ERI3: variants seen among roughly 807,000 people sequenced by gnomAD.
ERI3 encodes ERI1 exoribonuclease family member 3.
A neutral mutation model predicts 44.4 loss-of-function variants in ERI3; 18 were observed. The ratio of observed to expected loss-of-function variants is 0.41; its 90% CI spans 0.28 to 0.60. The LOEUF (loss-of-function observed/expected upper bound fraction) is 0.60. Among genes scored for constraint, ERI3 ranks in the 20% least tolerant of loss-of-function variants. The pLI, the probability that ERI3 is intolerant of heterozygous loss-of-function variation, is 0.36. For synonymous variants in ERI3, 183 were observed against 164.8 expected (o/e 1.11, Z -0.84); for missense variants, 294 against 435.5 (o/e 0.68, Z 2.89).
chr1:44,355,128 C>A lies in ERI3; in HGVS notation c.-102G>T, dbSNP rs918210756. ...AAGCGCTCAGGGCAGTTGGCGGCGG[C>A]GGGCGCGGCCCGCGCCGACTGCGGC... is the stretch of plus-strand genomic sequence containing the variant. On this transcript the variant is annotated 5_prime_UTR_variant, in exon 1 of 9. Coordinates refer to ENST00000372257, the MANE Select transcript of ERI3 (RefSeq NM_024066.3). The A allele has an allele frequency of 8.1e-7, 1 of 1,231,184 alleles. No individual in the cohort carries two copies. Among genetic ancestry groups the A allele is most frequent in the Non-Finnish European group, 1.0e-6 (1 of 981,908 alleles). 76.3% of individuals were successfully genotyped at this position (1,231,184 alleles called of 1,614,324 possible). A position where few individuals can be genotyped will look rare whatever the true frequency, so the allele number is the denominator to read the frequency against.
At chr1:44,260,371 C>T (rs1232769313) in intron 7 of ERI3, among the ~76,000 whole-genome samples, 1 of 152,204 alleles carries the variant, frequency 6.6e-6, no homozygotes, top group Non-Finnish European at 1.5e-5. Context: ...ACAGCATGAC[C>T]CACACAGACT....
chr1:44,224,368 T>C (rs1439837594), intron 8 of ERI3, among the ~76,000 whole-genome samples: 1 of 152,166 alleles, frequency 6.6e-6, no homozygotes, highest in Non-Finnish European at 1.5e-5. Flanking sequence ...CAACCCTCAA[T>C]CCCTGGACTC....
At chr1:44,227,074 G>A (rs1357824135) in intron 8 of ERI3, among the ~76,000 whole-genome samples, 12 of 152,080 alleles carry the variant, frequency 7.9e-5, no homozygotes, top group Non-Finnish European at 1.8e-4. Context: ...GATCAAAGAA[G>A]CCAATCAAAC....
chr1:44,342,826 T>TATATATATATATATATAA (rs1646688400), intron 2 of ERI3, among the ~76,000 whole-genome samples: 4 of 17,298 alleles, frequency 2.3e-4, no homozygotes, highest in African/African-American at 1.0e-3. Flanking sequence ...TATATATATA[T>TATATATATATATATATAA]ATATATATAT....
rs557902075 is a variant in ERI3 at position 44,319,579 on chromosome 1, C to T, written c.606+49G>A. On this transcript the variant is annotated intron_variant, in intron 4 of 8. Coordinates refer to ENST00000372257, the MANE Select transcript of ERI3 (RefSeq NM_024066.3). ...GGCCTATATAGAGCACCAAGGATTC[C>T]AAAATTCCCCTCCCAGCAGCCCCTG... The T allele has an allele frequency of 4.3e-6, 6 of 1,395,478 alleles. No individual in the cohort carries two copies. The African/African-American group carries it at 7.1e-5, about 17-fold the overall frequency. 86.4% of individuals were successfully genotyped at this position (1,395,478 alleles called of 1,614,324 possible).
intron 7 of ERI3, among the ~76,000 whole-genome samples, chr1:44,280,418 T>C (rs1251941417): frequency 6.6e-6 from 1 of 152,210 alleles, no homozygotes; most frequent in Non-Finnish European, 1.5e-5. Flanking sequence ...ATTACCATCT[T>C]TCACCTGGAC....
intron 8 of ERI3, among the ~76,000 whole-genome samples, chr1:44,244,568 A>G (rs1158995617): frequency 1.3e-5 from 2 of 152,110 alleles, no homozygotes; most frequent in South Asian, 2.1e-4. Flanking sequence ...TGAATGAAAG[A>G]AAGTTTTACC....
intron 8 of ERI3, among the ~76,000 whole-genome samples, chr1:44,240,520 G>A (rs938562077): frequency 1.4e-4 from 21 of 152,188 alleles, no homozygotes; most frequent in African/African-American, 4.8e-4. Context: ...GGAGAGATAT[G>A]TTCAAATTCC....
intron 3 of ERI3, among the ~76,000 whole-genome samples, chr1:44,321,610 G>A (rs1220752973): frequency 6.6e-6 from 1 of 152,194 alleles, no homozygotes; most frequent in Non-Finnish European, 1.5e-5. Flanking sequence ...TGTTGCCCAT[G>A]AATCAGGCTC....
At chr1:44,306,651 A>G (rs1645840086) in intron 6 of ERI3, among the ~76,000 whole-genome samples, 1 of 152,238 alleles carries the variant, frequency 6.6e-6, no homozygotes, top group Non-Finnish European at 1.5e-5. Flanking sequence ...TATAGTCTCC[A>G]ACCTCATGCA....
intron 8 of ERI3, among the ~76,000 whole-genome samples, chr1:44,238,256 G>A (rs1328148957): frequency 6.6e-6 from 1 of 152,076 alleles, no homozygotes; most frequent in Non-Finnish European, 1.5e-5. Context: ...GGGGGCGTGT[G>A]CAGGCAATGA....
intron 3 of ERI3, 145 bp downstream of exon 3, chr1:44,338,900 G>T: frequency 9.9e-7 from 1 of 1,011,002 alleles, no homozygotes; most frequent in Non-Finnish European, 1.5e-6. Context: ...CCTGAAACAA[G>T]TCCTGCTTCC....
chr1:44,315,695 CA>C lies in ERI3; in HGVS notation c.607-2468del, dbSNP rs1369650384. 2.6e-5 allele frequency among the ~76,000 whole-genome samples: 4 copies of C among 152,288 alleles called. No homozygotes were observed. The East Asian group carries it at 7.7e-4, about 29-fold the overall frequency. ...AAGCATGGCTCACAGCTGAGCTCCT[CA>C]AGGATTTGCATTTAGCCCCCAGAGA... On this transcript the variant is annotated intron_variant, in intron 4 of 8. Coordinates refer to ENST00000372257, the MANE Select transcript of ERI3 (RefSeq NM_024066.3).
At position 44,322,101 on chromosome 1, in the gene ERI3, C is replaced by T. The variant is rs74368095; in HGVS notation, c.490-2357G>A. On this transcript the variant is annotated intron_variant, in intron 3 of 8. Transcript: ENST00000372257. Reference sequence around the variant, plus strand: ...AAGCACATGGTTTGTTTTAGATATCCGAAATGCTATTATAGATCTAGGATT... The same window carrying T: ...AAGCACATGGTTTGTTTTAGATATCTGAAATGCTATTATAGATCTAGGATT... Among the ~76,000 whole-genome samples the T allele has an allele frequency of 5.5e-3, 829 of 151,938 alleles. 6 individuals carry two copies. Among genetic ancestry groups the T allele is most frequent in the African/African-American group, 0.019 (781 of 41,442 alleles).
intron 7 of ERI3, among the ~76,000 whole-genome samples, chr1:44,272,406 C>T (rs1427756695): frequency 1.3e-5 from 2 of 152,182 alleles, no homozygotes; most frequent in Non-Finnish European, 2.9e-5. Flanking sequence ...TCTTCCTTTG[C>T]ACAGCAGTTT....
chr1:44,299,410 A>G (rs1645678222), intron 6 of ERI3, among the ~76,000 whole-genome samples: 1 of 152,082 alleles, frequency 6.6e-6, no homozygotes, highest in African/African-American at 2.4e-5. Flanking sequence ...GCTGGTCTCA[A>G]ACTCCTGGCC....
chr1:44,250,777 CA>C (rs550527567), intron 7 of ERI3, among the ~76,000 whole-genome samples: 7 of 152,216 alleles, frequency 4.6e-5, no homozygotes, highest in South Asian at 2.1e-4. Flanking sequence ...ATGGGTCTGC[CA>C]AGCTCCTAAT....
chr1:44,221,250 T>C lies in ERI3; in HGVS notation c.*308A>G. 1 of 409,964 alleles carries C rather than the reference T, an allele frequency of 2.4e-6. No homozygotes were observed. Among genetic ancestry groups the C allele is most frequent in the Admixed American group, 4.1e-5 (1 of 24,486 alleles). 25.4% of individuals were successfully genotyped at this position (409,964 alleles called of 1,614,324 possible). A position where few individuals can be genotyped will look rare whatever the true frequency, so the allele number is the denominator to read the frequency against. On this transcript the variant is annotated 3_prime_UTR_variant, in exon 9 of 9. Transcript: ENST00000372257. This position sits in a 1 kb window ranked among gnomAD's most constrained non-coding sequence, Gnocchi z 5.9. ...GGGGCTTGGTGGCCCCACAGAAGCC[T>C]GTGTACCAGGGAGGAGGCGGTGAGT...
chr1:44,237,202 T>C (rs1644325460), intron 8 of ERI3, among the ~76,000 whole-genome samples: 3 of 152,148 alleles, frequency 2.0e-5, no homozygotes, highest in Admixed American at 2.0e-4. Flanking sequence ...GCTGGCAACA[T>C]TGACGTGCCT....
Sources: gnomAD v4.1 joint callset for allele counts (sites outside exome capture counted in the v4.1 genomes callset) on GRCh38, gnomAD v4.1.1 for gene constraint, Gnocchi (gnomAD v3.1) non-coding constraint, MANE v1.5 for transcripts, NCBI Gene and HGNC (gene_info 2026-07-23, HGNC 2026-07-21) for gene names.